The following GRID1 variants were observed in gnomAD, a reference collection of about 807,000 sequenced individuals.
The protein encoded by GRID1 is glutamate receptor ionotropic, delta-1.
Under a neutral mutation model 98.0 loss-of-function variants are expected in GRID1, and 28 were observed. That is an observed-to-expected ratio of 0.29 (90% CI 0.21 to 0.39). GRID1 has a LOEUF of 0.39. Among genes scored for constraint, GRID1 ranks in the 10% least tolerant of loss-of-function variants. The pLI is 1.00. For missense variants in GRID1, 1,111 were observed against 1,340.5 expected, an observed-to-expected ratio of 0.83 and a Z score of 2.67; for synonymous variants, 553 against 538.5, an observed-to-expected ratio of 1.03 and a Z score of -0.37.
chr10:85,799,834 G>A (rs34500419), intron 8 of GRID1, among the ~76,000 whole-genome samples: 9,558 of 151,974 alleles, frequency 0.063, 375 homozygotes, highest in Non-Finnish European at 0.081. Flanking sequence ...ATAGTGTGTT[G>A]TATATTTCAA....
At chr10:86,229,725 C>T (rs10749533) in intron 2 of GRID1, among the ~76,000 whole-genome samples, 83,084 of 152,016 alleles carry the variant, frequency 0.55, 22,956 homozygotes, top group East Asian at 0.75. Flanking sequence ...CCAGGGCAGA[C>T]AGCCGGGCGT....
intron 2 of GRID1, among the ~76,000 whole-genome samples, chr10:86,305,470 A>G (rs946469204): frequency 1.2e-4 from 19 of 152,230 alleles, no homozygotes; most frequent in African/African-American, 4.6e-4. Context: ...TTACTGCATA[A>G]CCATGTGATT....
At position 85,602,108 on chromosome 10, in the gene GRID1, C is replaced by T. The variant is rs1842583377; in HGVS notation, c.*165G>A. The T allele has an allele frequency of 2.0e-6, 1 of 488,380 alleles. No individual in the cohort carries two copies. Among genetic ancestry groups the T allele is most frequent in the Admixed American group, 3.7e-5 (1 of 26,816 alleles). 30.3% of individuals were successfully genotyped at this position (488,380 alleles called of 1,614,324 possible). A position where few individuals can be genotyped will look rare whatever the true frequency, so the allele number is the denominator to read the frequency against. On this transcript the variant is annotated 3_prime_UTR_variant, in exon 16 of 16. Coordinates refer to ENST00000327946, the MANE Select transcript of GRID1 (RefSeq NM_017551.3). Reference sequence around the variant, plus strand: ...GGAATATTCAAAATACACTTTTACCCCACTCCATTCTGTCATTATTTACAC... The same window carrying T: ...GGAATATTCAAAATACACTTTTACCTCACTCCATTCTGTCATTATTTACAC...
At chr10:86,184,408 A>T (rs544920041) in intron 3 of GRID1, among the ~76,000 whole-genome samples, 2 of 141,520 alleles carry the variant, frequency 1.4e-5, no homozygotes, top group South Asian at 4.5e-4. Flanking sequence ...TCTGTAAAGT[A>T]TTTTGACTTA....
intron 8 of GRID1, among the ~76,000 whole-genome samples, chr10:85,768,216 T>G (rs1842216113): frequency 6.6e-6 from 1 of 152,120 alleles, no homozygotes; most frequent in Non-Finnish European, 1.5e-5. Context: ...TGGATGACCA[T>G]CTGGAAAAAT....
chr10:85,918,059 C>T (rs577466851), intron 4 of GRID1, among the ~76,000 whole-genome samples: 2 of 152,350 alleles, frequency 1.3e-5, no homozygotes, highest in African/African-American at 2.4e-5. Context: ...CTGAGCGCAT[C>T]GCTGGGCTCT....
intron 8 of GRID1, among the ~76,000 whole-genome samples, chr10:85,754,628 A>G (rs1205404681): frequency 6.6e-6 from 1 of 152,218 alleles, no homozygotes; most frequent in African/African-American, 2.4e-5. Flanking sequence ...CAATGGTGGT[A>G]AAAAGAGAGC....
chr10:85,991,877 C>T (rs963412096), intron 4 of GRID1, among the ~76,000 whole-genome samples: 4 of 151,930 alleles, frequency 2.6e-5, no homozygotes, highest in African/African-American at 9.7e-5. Flanking sequence ...AGGAGGGTTG[C>T]TTTCTTAGAT....
chr10:86,268,337 C>G (rs1006237778), intron 2 of GRID1, among the ~76,000 whole-genome samples: 1 of 152,236 alleles, frequency 6.6e-6, no homozygotes, highest in Non-Finnish European at 1.5e-5. Context: ...TCCTCTCTAC[C>G]GGTATCACCA....
intron 14 of GRID1, among the ~76,000 whole-genome samples, chr10:85,619,368 T>A (rs1842830864): frequency 6.6e-6 from 1 of 152,228 alleles, no homozygotes; most frequent in Non-Finnish European, 1.5e-5. Context: ...CTTCTCTGAC[T>A]CTACTTTTTT....
Position 86,083,700 on chromosome 10 carries a change from GGAA to G in GRID1, c.726+55116_726+55118del, listed in dbSNP as rs1219228386. On this transcript the variant is annotated intron_variant, in intron 4 of 15. Transcript: ENST00000327946. ...AGTTATGTCGCTATCTTCATCCCTA[GGAA>G]GAAGAATGATAAATCTGCCAGCATT... 3.9e-5 allele frequency among the ~76,000 whole-genome samples: 6 copies of G among 152,244 alleles called. No individual in the cohort carries two copies. The South Asian group carries it at 8.3e-4, about 21-fold the overall frequency.
intron 2 of GRID1, among the ~76,000 whole-genome samples, chr10:86,330,635 G>A (rs1411658727): frequency 6.6e-6 from 1 of 152,230 alleles, no homozygotes; most frequent in Non-Finnish European, 1.5e-5. Context: ...GCAGCAAGTA[G>A]AGGCCAAGAT....
At chr10:85,736,194 A>AGGAAGGAAGGAAGCAAAGAAGGAG (rs1841881651) in intron 8 of GRID1, among the ~76,000 whole-genome samples, 1 of 132,874 alleles carries the variant, frequency 7.5e-6, no homozygotes, top group Non-Finnish European at 1.6e-5. Context: ...GAAGGAGGGA[A>AGGAAGGAAGGAAGCAAAGAAGGAG]GGAAGGAAGG....
intron 12 of GRID1, among the ~76,000 whole-genome samples, chr10:85,654,847 A>G: frequency 6.6e-6 from 1 of 152,184 alleles, no homozygotes; most frequent in East Asian, 1.9e-4. Context: ...CTGGTCCCAA[A>G]TCAGACTGTG....
chr10:86,148,862 T>C (rs1382736755), intron 3 of GRID1, among the ~76,000 whole-genome samples: 1 of 152,146 alleles, frequency 6.6e-6, no homozygotes, highest in Non-Finnish European at 1.5e-5. Context: ...AGCACAAGCC[T>C]GGGTTCACTA....
intron 15 of GRID1, among the ~76,000 whole-genome samples, chr10:85,609,059 C>T (rs1190122195): frequency 1.3e-5 from 2 of 152,116 alleles, no homozygotes; most frequent in Admixed American, 6.6e-5. Context: ...AATGCTACCT[C>T]GGAACCCAAT....
chr10:85,785,628 T>A (rs1310719160), intron 8 of GRID1, among the ~76,000 whole-genome samples: 4 of 152,198 alleles, frequency 2.6e-5, no homozygotes, highest in African/African-American at 7.2e-5. Context: ...GGACAGGCAC[T>A]GACTTCCTTT....
chr10:86,001,948 C>T (rs1184102844), intron 4 of GRID1, among the ~76,000 whole-genome samples: 1 of 152,166 alleles, frequency 6.6e-6, no homozygotes, highest in African/African-American at 2.4e-5. Context: ...CCCAGGCATT[C>T]CTTGTCCTGT....
chr10:85,974,905 G>A (rs1842452576), intron 4 of GRID1, among the ~76,000 whole-genome samples: 1 of 152,222 alleles, frequency 6.6e-6, no homozygotes, highest in African/African-American at 2.4e-5. Context: ...GATTATAGGT[G>A]TGGGCCATGA....
Sources: allele counts gnomAD v4.1 joint callset (sites outside exome capture counted in the v4.1 genomes callset), GRCh38; gene constraint gnomAD v4.1.1; transcripts MANE v1.5; gene names NCBI Gene and HGNC (gene_info 2026-07-23, HGNC 2026-07-21).